SLC25A21: variants seen among roughly 807,000 people sequenced by gnomAD.
SLC25A21 encodes mitochondrial 2-oxodicarboxylate carrier.
SLC25A21 carries 47 observed loss-of-function variants against 43.8 expected under a neutral mutation model. The ratio of observed to expected loss-of-function variants is 1.07; its 90% CI spans 0.85 to 1.37. The LOEUF (loss-of-function observed/expected upper bound fraction) is 1.37. Among genes scored for constraint, SLC25A21 ranks in the 40% most tolerant of loss-of-function variants. The pLI is 0.00. For synonymous variants in SLC25A21, 131 were observed against 121.3 expected, an observed-to-expected ratio of 1.08 and a Z score of -0.52; for missense variants, 352 against 350.2, an observed-to-expected ratio of 1.00 and a Z score of -0.04.
intron 1 of SLC25A21, among the ~76,000 whole-genome samples, chr14:37,018,850 A>G (rs551182631): frequency 1.2e-4 from 18 of 152,110 alleles, no homozygotes; most frequent in Non-Finnish European, 2.4e-4. Flanking sequence ...CATTATTTTT[A>G]TAACAGCAAT....
At chr14:36,827,156 G>A (rs1436057563) in intron 2 of SLC25A21, among the ~76,000 whole-genome samples, 1 of 152,140 alleles carries the variant, frequency 6.6e-6, no homozygotes, top group Non-Finnish European at 1.5e-5. Context: ...TCTGCATTAT[G>A]GACTATGTGG....
In SLC25A21 at chr14:37,172,299, C is replaced by A. The variant is rs532455995; in HGVS notation, c.52G>T (p.Val18Leu). Residue 18 changes from valine (V) to leucine (L), a missense_variant, in exon 1 of 10, where the codon GTG (valine) becomes TTG (leucine). Val to Leu is a conservative substitution (Grantham distance 32). Coordinates refer to ENST00000331299, the MANE Select transcript of SLC25A21 (RefSeq NM_030631.4). Reference sequence around the variant, plus strand: ...TCCTTACCTGCAGAACCACCGGCCACGATCTGCCGAGAAGCCTCGCGCACT... The same window carrying A: ...TCCTTACCTGCAGAACCACCGGCCAAGATCTGCCGAGAAGCCTCGCGCACT... ...SLVREASRQI[V>L]AGGSAGLVEI... 1.0e-5 allele frequency: 16 copies of A among 1,599,984 alleles called. No homozygotes were observed. The Admixed American group carries it at 2.2e-4, about 22-fold the overall frequency.
intron 3 of SLC25A21, among the ~76,000 whole-genome samples, chr14:36,784,219 A>T (rs1887170226): frequency 6.6e-6 from 1 of 152,178 alleles, no homozygotes; most frequent in East Asian, 1.9e-4. Context: ...CACATAATTC[A>T]ATTGACACAT....
At chr14:36,914,993 G>C (rs745651127) in intron 1 of SLC25A21, among the ~76,000 whole-genome samples, 6 of 151,698 alleles carry the variant, frequency 4.0e-5, no homozygotes, top group Non-Finnish European at 7.4e-5. Context: ...TTTAATATAA[G>C]AAGATTTAGT....
intron 6 of SLC25A21, among the ~76,000 whole-genome samples, chr14:36,716,739 G>T (rs999534927): frequency 4.6e-5 from 7 of 152,076 alleles, no homozygotes; most frequent in Non-Finnish European, 1.0e-4. Flanking sequence ...ACCTGGCTCT[G>T]ATTAGCTCAT....
intron 2 of SLC25A21, 29 bp from the exon 3 acceptor site, chr14:36,814,030 A>G: frequency 6.5e-7 from 1 of 1,534,200 alleles, no homozygotes; most frequent in Non-Finnish European, 8.9e-7. Context: ...CAAAAATTCT[A>G]AGTTAAAGAT....
At chr14:37,013,101 T>C (rs1263821623) in intron 1 of SLC25A21, among the ~76,000 whole-genome samples, 1 of 152,152 alleles carries the variant, frequency 6.6e-6, no homozygotes, top group Non-Finnish European at 1.5e-5. Context: ...TTGAAAATAA[T>C]AGCTTCAACA....
chr14:36,863,797 C>T (rs375681427), intron 2 of SLC25A21, among the ~76,000 whole-genome samples: 11 of 152,188 alleles, frequency 7.2e-5, no homozygotes, highest in South Asian at 4.1e-4. Flanking sequence ...CAGAAGTGGG[C>T]GTGCGTGGAG....
intron 1 of SLC25A21, among the ~76,000 whole-genome samples, chr14:36,981,493 G>A (rs1960021433): frequency 6.6e-6 from 1 of 152,202 alleles, no homozygotes; most frequent in Non-Finnish European, 1.5e-5. Context: ...ATACACCATG[G>A]AATGCTATGC....
Position 37,003,075 on chromosome 14 carries a change from T to C in SLC25A21, c.71-128071A>G, listed in dbSNP as rs113332262. Among the ~76,000 whole-genome samples the C allele has an allele frequency of 3.5e-4, 53 of 152,336 alleles. 2 individuals carry two copies. The highest frequency in any genetic ancestry group is 1.3e-3 in the African/African-American group (52 of 41,594). ...GTTCCGAGACCCCCCAGCGGATGCC[T>C]GAAACCACGGAAAATACCAAACCCT... On this transcript the variant is annotated intron_variant, in intron 1 of 9. Coordinates refer to ENST00000331299, the MANE Select transcript of SLC25A21 (RefSeq NM_030631.4).
intron 1 of SLC25A21, among the ~76,000 whole-genome samples, chr14:37,038,909 C>T (rs749377149): frequency 6.6e-6 from 1 of 152,178 alleles, no homozygotes; most frequent in African/African-American, 2.4e-5. Context: ...CATTCATCCA[C>T]CTCCATCATC....
rs558748050 is a variant in SLC25A21, at chr14:37,155,919, G to T, written c.70+16362C>A. ...CATGCCTGTAATCCTAGCATTTTGGGAGACTGAGATGAGTGGTCCACCTGA... is the reference window on the plus strand; with the variant it reads ...CATGCCTGTAATCCTAGCATTTTGGTAGACTGAGATGAGTGGTCCACCTGA... On this transcript the variant is annotated intron_variant, in intron 1 of 9. Coordinates refer to ENST00000331299, the MANE Select transcript of SLC25A21 (RefSeq NM_030631.4). Among the ~76,000 whole-genome samples the T allele has an allele frequency of 3.9e-4, 59 of 152,152 alleles. No individual in the cohort carries two copies. The South Asian group carries it at 0.011, about 29-fold the overall frequency.
intron 1 of SLC25A21, among the ~76,000 whole-genome samples, chr14:37,032,479 T>C (rs2138770251): frequency 6.6e-6 from 1 of 152,090 alleles, no homozygotes; most frequent in African/African-American, 2.4e-5. Flanking sequence ...GAGCTTGCAA[T>C]GAGCGGAGAT....
intron 2 of SLC25A21, among the ~76,000 whole-genome samples, chr14:36,821,472 A>T (rs977297428): frequency 3.3e-5 from 5 of 152,096 alleles, no homozygotes; most frequent in Admixed American, 3.3e-4. Flanking sequence ...GGTAGTTTTT[A>T]AAAAAATTTA....
Position 36,843,527 on chromosome 14 carries a change from T to C in SLC25A21, c.120-29526A>G, listed in dbSNP as rs146128377. Among the ~76,000 whole-genome samples the C allele has an allele frequency of 3.3e-5, 5 of 152,338 alleles. No homozygotes were observed. In the East Asian group the frequency reaches 9.6e-4, roughly 29 times the overall value. On this transcript the variant is annotated intron_variant, in intron 2 of 9. Transcript: ENST00000331299. ...AGTCATCAATTTTTAACATTTGCCA[T>C]GCATTTTTCTCTTCCTCTTTCTCAC...
chr14:36,723,293 C>T (rs1300146088), intron 6 of SLC25A21, among the ~76,000 whole-genome samples: 1 of 152,188 alleles, frequency 6.6e-6, no homozygotes, highest in Non-Finnish European at 1.5e-5. Flanking sequence ...ATGAACATTG[C>T]CCATAATGTG....
intron 1 of SLC25A21, among the ~76,000 whole-genome samples, chr14:36,948,264 G>A (rs1892722676): frequency 6.6e-6 from 1 of 152,100 alleles, no homozygotes; most frequent in Non-Finnish European, 1.5e-5. Flanking sequence ...CTAATTAACT[G>A]GGATAATACA....
chr14:36,895,535 T>C (rs918200565), intron 1 of SLC25A21, among the ~76,000 whole-genome samples: 11 of 152,182 alleles, frequency 7.2e-5, no homozygotes, highest in Non-Finnish European at 1.0e-4. Context: ...GTGTCTCTAT[T>C]TCCTTCAATT....
At chr14:36,877,393 G>A (rs1352950564) in intron 1 of SLC25A21, among the ~76,000 whole-genome samples, 1 of 152,186 alleles carries the variant, frequency 6.6e-6, no homozygotes, top group East Asian at 1.9e-4. Context: ...GTAGTAAACA[G>A]ATAATAGATC....
Sources: gnomAD v4.1 joint callset for allele counts (sites outside exome capture counted in the v4.1 genomes callset) on GRCh38, gnomAD v4.1.1 for gene constraint, MANE v1.5 for transcripts, NCBI Gene and HGNC (gene_info 2026-07-23, HGNC 2026-07-21) for gene names.